NHS: variants seen among roughly 807,000 people sequenced by gnomAD.
NHS encodes actin remodeling regulator NHS.
Under a neutral mutation model 72.5 loss-of-function variants are expected in NHS, and 5 were observed. That is an observed-to-expected ratio of 0.07 (90% confidence interval 0.04 to 0.14). NHS has a LOEUF of 0.14. Among genes scored for constraint, NHS ranks in the 10% least tolerant of loss-of-function variants. The pLI, the probability that NHS is intolerant of heterozygous loss-of-function variation, is 1.00. For synonymous variants in NHS, 464 were observed against 547.7 expected (o/e 0.85, Z 2.13); for missense variants, 1,072 against 1,355.7 (o/e 0.79, Z 3.29).
Position 17,727,714 on chromosome X carries a change from T to C in NHS, c.3608T>C (p.Leu1203Ser). The C allele has an allele frequency of 8.3e-7, 1 of 1,211,375 alleles. No individual in the cohort carries two copies. The change falls in exon 7 of 9, where the codon TTA becomes TCA. Residue 1203 changes from leucine (L) to serine (S), a missense_variant. Coordinates refer to ENST00000676302, the MANE Select transcript of NHS (RefSeq NM_001291867.2). ...YSTEDTILSF[L>S]DSSAVEMGPD... is the part of the protein sequence containing the mutation. Reference sequence around the variant, plus strand: ...ACTGAAGACACCATACTGTCCTTTTTAGACTCTTCTGCAGTTGAGATGGGA... The same window carrying C: ...ACTGAAGACACCATACTGTCCTTTTCAGACTCTTCTGCAGTTGAGATGGGA...
chrX:17,510,115 C>T (rs1213739040), intron 1 of NHS, among the ~76,000 whole-genome samples: 2 of 112,544 alleles, frequency 1.8e-5, no homozygotes, highest in African/African-American at 3.2e-5. Flanking sequence ...GTGACCTTAC[C>T]GTTGACTACA....
intron 1 of NHS, among the ~76,000 whole-genome samples, chrX:17,578,432 G>A (rs1196686285): frequency 8.9e-6 from 1 of 111,858 alleles, no homozygotes; most frequent in Non-Finnish European, 1.9e-5. Context: ...CCCAACTGCC[G>A]GGGTTCCAAT....
intron 5 of NHS, among the ~76,000 whole-genome samples, chrX:17,723,837 T>A (rs1272025709): frequency 3.8e-5 from 4 of 105,275 alleles, no homozygotes; most frequent in African/African-American, 7.0e-5. Context: ...GAACAAAACC[T>A]CACAAAGACG....
intron 1 of NHS, among the ~76,000 whole-genome samples, chrX:17,378,576 T>A (rs895465789): frequency 9.0e-6 from 1 of 111,230 alleles, no homozygotes; most frequent in East Asian, 2.8e-4. Flanking sequence ...AGGATTTCGA[T>A]GCAATTAACT....
At chrX:17,677,398 G>C (rs1391869743) in intron 1 of NHS, among the ~76,000 whole-genome samples, 1 of 111,273 alleles carries the variant, frequency 9.0e-6, no homozygotes, top group African/African-American at 3.3e-5. Flanking sequence ...CTTAGTGTCT[G>C]GTGTTTTTAA....
At chrX:17,559,204 A>T (rs2065399427) in intron 1 of NHS, among the ~76,000 whole-genome samples, 1 of 112,023 alleles carries the variant, frequency 8.9e-6, no homozygotes, top group Admixed American at 9.4e-5. Context: ...AGAGGAGAGG[A>T]GCTAGTGCCT....
intron 1 of NHS, among the ~76,000 whole-genome samples, chrX:17,600,138 G>T (rs557743604): frequency 8.9e-6 from 1 of 111,867 alleles, no homozygotes; most frequent in East Asian, 2.8e-4. Context: ...AAGGTATATG[G>T]ATAAAAAGGC....
At chrX:17,648,846 G>T (rs2065917784) in intron 1 of NHS, among the ~76,000 whole-genome samples, 1 of 112,081 alleles carries the variant, frequency 8.9e-6, no homozygotes, top group Non-Finnish European at 1.9e-5. Context: ...GGATGGCCTT[G>T]GGCAAGTTAT....
intron 1 of NHS, among the ~76,000 whole-genome samples, chrX:17,589,249 G>T (rs776601926): frequency 5.4e-5 from 6 of 111,001 alleles, no homozygotes; most frequent in Non-Finnish European, 1.1e-4. Flanking sequence ...TGAGATTTTG[G>T]TACACCCATC....
intron 1 of NHS, among the ~76,000 whole-genome samples, chrX:17,665,452 C>G (rs1042651854): frequency 9.5e-6 from 1 of 105,783 alleles, no homozygotes. Context: ...CTCAGCCTCC[C>G]GAGTAGCTGG....
chrX:17,598,518 G>A (rs753976872), intron 1 of NHS, among the ~76,000 whole-genome samples: 78 of 111,678 alleles, frequency 7.0e-4, no homozygotes, highest in South Asian at 1.5e-3. Flanking sequence ...TTACACTAGC[G>A]TTGTACAAAT....
chrX:17,522,629 C>T (rs1263345613), intron 1 of NHS, among the ~76,000 whole-genome samples: 7 of 98,184 alleles, frequency 7.1e-5, no homozygotes, highest in African/African-American at 2.6e-4. Context: ...AAAAGCCGGA[C>T]TGGATTTCAG....
Position 17,523,914 on chromosome X carries a change from A to G in NHS, c.565+147592A>G, listed in dbSNP as rs148796658. 1.3e-3 allele frequency among the ~76,000 whole-genome samples: 145 copies of G among 111,346 alleles called. 1 individual carries two copies. The highest frequency in any genetic ancestry group is 4.6e-3 in the African/African-American group (139 of 30,500). On this transcript the variant is annotated intron_variant, in intron 1 of 8. Coordinates refer to ENST00000676302, the MANE Select transcript of NHS (RefSeq NM_001291867.2). ...GAGTGCCAGGGGCCTGTGGTCACAA[A>G]AGCTTCATCTCAAAAGAAGCTAAGA...
intron 1 of NHS, among the ~76,000 whole-genome samples, chrX:17,496,124 C>T (rs2065011524): frequency 9.0e-6 from 1 of 111,466 alleles, no homozygotes; most frequent in Admixed American, 9.5e-5. Flanking sequence ...TGGCTGAGCC[C>T]AGCCAAGCCC....
intron 1 of NHS, among the ~76,000 whole-genome samples, chrX:17,608,595 C>T: frequency 9.0e-6 from 1 of 111,326 alleles, no homozygotes; most frequent in South Asian, 3.8e-4. Context: ...TCAGGCCTGG[C>T]TTCCCAGGGA....
intron 1 of NHS, among the ~76,000 whole-genome samples, chrX:17,459,994 T>C (rs1449056059): frequency 8.9e-6 from 1 of 112,069 alleles, no homozygotes; most frequent in Admixed American, 9.5e-5. Flanking sequence ...GAGACACATA[T>C]GGCTGGGTTT....
At chrX:17,667,633 G>A (rs2066020254) in intron 1 of NHS, among the ~76,000 whole-genome samples, 1 of 111,605 alleles carries the variant, frequency 9.0e-6, no homozygotes, top group Non-Finnish European at 1.9e-5. Context: ...TCCTCAGCCA[G>A]ATGTAGGTAT....
chrX:17,722,167 CT>C (rs1452930588), intron 5 of NHS, among the ~76,000 whole-genome samples: 1 of 112,271 alleles, frequency 8.9e-6, no homozygotes, highest in Non-Finnish European at 1.9e-5. Context: ...GCAAGGCTGT[CT>C]TCCTTTCACT....
At chrX:17,603,228 T>A (rs2065661425) in intron 1 of NHS, among the ~76,000 whole-genome samples, 1 of 112,154 alleles carries the variant, frequency 8.9e-6, no homozygotes, top group Non-Finnish European at 1.9e-5. Flanking sequence ...ACAGCCCAGC[T>A]GCTGTTAACA....
Sources: gnomAD v4.1 joint callset for allele counts (sites outside exome capture counted in the v4.1 genomes callset) on GRCh38, gnomAD v4.1.1 for gene constraint, MANE v1.5 for transcripts, NCBI Gene and HGNC (gene_info 2026-07-23, HGNC 2026-07-21) for gene names.